SAP130: variants seen among roughly 807,000 people sequenced by gnomAD.
SAP130 encodes histone deacetylase complex subunit SAP130.
Under a neutral mutation model 103.2 loss-of-function variants are expected in SAP130, and 16 were observed. That is an observed-to-expected ratio of 0.16 (90% CI 0.10 to 0.24). The LOEUF (loss-of-function observed/expected upper bound fraction) is 0.24, where lower values mean the gene tolerates loss of function less well. Ranked by LOEUF, SAP130 falls within the 10% of genes least tolerant of loss-of-function variation. The pLI is 1.00. For missense variants in SAP130, 990 were observed against 1,359.7 expected, an observed-to-expected ratio of 0.73 and a Z score of 4.28; for synonymous variants, 477 against 497.0, an observed-to-expected ratio of 0.96 and a Z score of 0.53.
intron 14 of SAP130, among the ~76,000 whole-genome samples, chr2:127,981,474 A>G (rs1371739671): frequency 9.8e-6 from 1 of 102,316 alleles, no homozygotes; most frequent in Non-Finnish European, 1.9e-5. Flanking sequence ...GTCCTCCTGC[A>G]CCCCCGACTC....
In SAP130 at chr2:128,016,558, A is replaced by G; in HGVS notation, c.349-11T>C. The G allele has an allele frequency of 6.2e-7, 1 of 1,604,490 alleles. No homozygotes were observed. Among genetic ancestry groups the G allele is most frequent in the Non-Finnish European group, 8.5e-7 (1 of 1,174,562 alleles). ...GGGCTTCGGGGGCGGCTGCAAACAG[A>G]AAACCACACAAAACATATCAATGGC... On this transcript the variant is annotated splice_polypyrimidine_tract_variant and intron_variant, in intron 3 of 20. Coordinates refer to ENST00000643581, the MANE Select transcript of SAP130 (RefSeq NM_001330301.2).
In SAP130 at chr2:127,942,354, G is replaced by C. The variant is rs991114602; in HGVS notation, c.3015+70C>G. 4.2e-6 allele frequency: 5 copies of C among 1,192,400 alleles called. No homozygotes were observed. The African/African-American group carries it at 7.5e-5, about 18-fold the overall frequency. 73.9% of individuals were successfully genotyped at this position (1,192,400 alleles called of 1,614,324 possible). A position where few individuals can be genotyped will look rare whatever the true frequency, so the allele number is the denominator to read the frequency against. ...GATATGAGGGAGACGGGGGGAAACGGGAGAAGTAGGGCTTTACAGAAAGCA... is the reference window on the plus strand; with the variant it reads ...GATATGAGGGAGACGGGGGGAAACGCGAGAAGTAGGGCTTTACAGAAAGCA... On this transcript the variant is annotated intron_variant, in intron 20 of 20. Coordinates refer to ENST00000643581, the MANE Select transcript of SAP130 (RefSeq NM_001330301.2). This position sits in a 1 kb window ranked among gnomAD's most constrained non-coding sequence, Gnocchi z 4.8.
intron 15 of SAP130, among the ~76,000 whole-genome samples, chr2:127,971,577 G>A (rs528612024): frequency 6.6e-6 from 1 of 152,248 alleles, no homozygotes; most frequent in South Asian, 2.1e-4. Context: ...ATGAGCCACC[G>A]TGCCCCGCCA....
At chr2:128,013,342 C>T (rs965609932) in intron 5 of SAP130, among the ~76,000 whole-genome samples, 188 bp from the exon 6 acceptor site, 6 of 152,018 alleles carry the variant, frequency 3.9e-5, no homozygotes, top group South Asian at 2.1e-4. Context: ...TTTATATTGC[C>T]TCTTCACAGA....
chr2:127,996,598 C>A lies in SAP130; in HGVS notation c.1214-107G>T. The A allele has an allele frequency of 7.8e-6, 8 of 1,026,854 alleles. No individual in the cohort carries two copies. Among genetic ancestry groups the A allele is most frequent in the South Asian group, 2.2e-5 (1 of 44,762 alleles). The allele number at this position is 1,026,854 out of a possible 1,614,324, so 63.6% of individuals were successfully genotyped here. A position where few individuals can be genotyped will look rare whatever the true frequency, so the allele number is the denominator to read the frequency against. ...TAGGAAAGCAAACAATTAAAATAAG[C>A]CTGGATTTTTAATCAAAATAAAAAA... On this transcript the variant is annotated intron_variant, in intron 10 of 20. Transcript: ENST00000643581. This position sits in a 1 kb window ranked among gnomAD's most constrained non-coding sequence, Gnocchi z 4.3.
chr2:127,954,109 CTG>C (rs1365984504), intron 16 of SAP130, among the ~76,000 whole-genome samples: 1 of 152,178 alleles, frequency 6.6e-6, no homozygotes, highest in Non-Finnish European at 1.5e-5. Context: ...AGTAGCATAA[CTG>C]AGGGTGCTTC....
chr2:127,948,289 T>G (rs1004306269), intron 18 of SAP130, among the ~76,000 whole-genome samples: 1 of 152,028 alleles, frequency 6.6e-6, no homozygotes, highest in African/African-American at 2.4e-5. Context: ...ACTATGTGTT[T>G]TCTGTACTTC....
At chr2:128,014,364 C>CATCTCAGCCTCCTGAGTGCCATCCTCCT (rs1233934852) in intron 5 of SAP130, among the ~76,000 whole-genome samples, 2 of 151,164 alleles carry the variant, frequency 1.3e-5, no homozygotes, top group Admixed American at 6.6e-5. Flanking sequence ...GCCATCCTCC[C>CATCTCAGCCTCCTGAGTGCCATCCTCCT]ATCTCAGCCT....
intron 7 of SAP130, 96 bp from the exon 8 acceptor site, chr2:128,000,550 G>T: frequency 7.2e-7 from 1 of 1,390,380 alleles, no homozygotes; most frequent in Admixed American, 2.1e-5. Flanking sequence ...ATAGGTCTAT[G>T]AAGTTCGGAG....
intron 19 of SAP130, among the ~76,000 whole-genome samples, chr2:127,944,901 CAAA>C (rs1188253573): frequency 1.4e-4 from 11 of 77,536 alleles, no homozygotes; most frequent in African/African-American, 2.6e-4. Context: ...GACCTTGTCT[CAAA>C]AAAAAAAAAA....
Position 127,953,178 on chromosome 2 carries a change from T to A in SAP130, c.2422+1808A>T, listed in dbSNP as rs1009248758. On this transcript the variant is annotated intron_variant, in intron 16 of 20. Coordinates refer to ENST00000643581, the MANE Select transcript of SAP130 (RefSeq NM_001330301.2). This position sits in a 1 kb window ranked among gnomAD's most constrained non-coding sequence, Gnocchi z 4.0. ...TTCCTAATTCAGCCAATGGCAACTC[T>A]ATGGCTTCCAGTTGCTAAGGCCAAA... Among the ~76,000 whole-genome samples, 10 of 152,214 alleles carry A rather than the reference T, an allele frequency of 6.6e-5. No homozygotes were observed. Among genetic ancestry groups the A allele is most frequent in the Admixed American group, 5.9e-4 (9 of 15,276 alleles).
In SAP130 at chr2:128,014,760, C is replaced by A. The variant is rs537810090; in HGVS notation, c.619+43G>T. Reference sequence around the variant, plus strand: ...ACGTATTTTACCAAATGTATATCTACTACTACATTTTGAGAGTTTGAACAA... The same window carrying A: ...ACGTATTTTACCAAATGTATATCTAATACTACATTTTGAGAGTTTGAACAA... On this transcript the variant is annotated intron_variant, in intron 5 of 20. Coordinates refer to ENST00000643581, the MANE Select transcript of SAP130 (RefSeq NM_001330301.2). 10 of 1,324,384 alleles carry A rather than the reference C, an allele frequency of 7.6e-6. No individual in the cohort carries two copies. In the East Asian group the frequency reaches 1.8e-4, roughly 24 times the overall value. The allele number at this position is 1,324,384 out of a possible 1,614,324, so 82.0% of individuals were successfully genotyped here.
chr2:127,950,781 T>G (rs1223274535), intron 16 of SAP130, among the ~76,000 whole-genome samples: 1 of 152,136 alleles, frequency 6.6e-6, no homozygotes, highest in Non-Finnish European at 1.5e-5. Flanking sequence ...CTTGTCTTCT[T>G]TCTGTGATCC....
At chr2:128,006,773 T>C (rs2105136502) in intron 7 of SAP130, among the ~76,000 whole-genome samples, 1 of 152,330 alleles carries the variant, frequency 6.6e-6, no homozygotes, top group East Asian at 1.9e-4. Flanking sequence ...GAGCAAGACG[T>C]TGTCTCAAAA....
intron 14 of SAP130, among the ~76,000 whole-genome samples, chr2:127,984,347 C>G (rs1682215217): frequency 6.6e-6 from 1 of 152,216 alleles, no homozygotes; most frequent in South Asian, 2.1e-4. Context: ...TGCCAGGCCT[C>G]TACATCTTCC....
intron 14 of SAP130, among the ~76,000 whole-genome samples, chr2:127,981,317 C>T (rs78025740): frequency 1.3e-4 from 19 of 143,336 alleles, no homozygotes; most frequent in South Asian, 2.3e-4. Context: ...CCTGCACCCC[C>T]AATTCAGCTC....
chr2:127,952,035 C>A (rs1284702711), intron 16 of SAP130, among the ~76,000 whole-genome samples: 1 of 152,200 alleles, frequency 6.6e-6, no homozygotes, highest in Non-Finnish European at 1.5e-5. Context: ...CACACAAATC[C>A]CACCCACTCT....
intron 15 of SAP130, among the ~76,000 whole-genome samples, chr2:127,966,363 AAAAC>A (rs754403518): frequency 1.2e-4 from 19 of 152,062 alleles, no homozygotes; most frequent in Non-Finnish European, 2.4e-4. Flanking sequence ...AAAAATAAAT[AAAAC>A]AAACAAACTT....
intron 5 of SAP130, 67 bp downstream of exon 5, chr2:128,014,736 C>G: frequency 9.1e-7 from 1 of 1,096,998 alleles, no homozygotes; most frequent in Non-Finnish European, 1.4e-6. Context: ...TTCTGTGTTA[C>G]GTATTTTACC....
Sources: gnomAD v4.1 joint callset for allele counts (sites outside exome capture counted in the v4.1 genomes callset) on GRCh38, gnomAD v4.1.1 for gene constraint, Gnocchi (gnomAD v3.1) non-coding constraint, MANE v1.5 for transcripts, NCBI Gene and HGNC (gene_info 2026-07-23, HGNC 2026-07-21) for gene names.